Variants in PALD1 observed in about 807,000 individuals in gnomAD.
PALD1 encodes phosphatase domain containing paladin 1, also known as paladin.
A neutral mutation model predicts 96.0 loss-of-function variants in PALD1; 57 were observed. The ratio of observed to expected loss-of-function variants is 0.59; its 90% confidence interval spans 0.48 to 0.74. The LOEUF (loss-of-function observed/expected upper bound fraction) is 0.74. PALD1 is among the 30% of genes least tolerant of loss of function. The pLI is 0.00. For missense variants in PALD1, 1,063 were observed against 1,143.7 expected (o/e 0.93, Z 1.02); for synonymous variants, 464 against 473.6 (o/e 0.98, Z 0.26).
At chr10:70,514,744 G>A (rs1480092396) in intron 1 of PALD1, among the ~76,000 whole-genome samples, 1 of 152,190 alleles carries the variant, frequency 6.6e-6, no homozygotes, top group Non-Finnish European at 1.5e-5. Context: ...TATTGTCAGG[G>A]GAACACGCGC....
At chr10:70,530,185 A>G (rs1846964545) in intron 4 of PALD1, 117 bp downstream of exon 4, 5 of 842,060 alleles carry the variant, frequency 5.9e-6, no homozygotes, top group South Asian at 5.8e-5. Context: ...GAGGTGGGGT[A>G]GTGGCCTGGA....
chr10:70,547,457 A>AAAC lies in PALD1; in HGVS notation c.2262+11_2262+12insAAC. The AAAC allele has an allele frequency of 4.9e-6, 5 of 1,016,470 alleles. No individual in the cohort carries two copies. Among genetic ancestry groups the AAAC allele is most frequent in the Non-Finnish European group, 5.5e-6 (4 of 730,182 alleles). 63.0% of individuals were successfully genotyped at this position (1,016,470 alleles called of 1,614,324 possible). A position where few individuals can be genotyped will look rare whatever the true frequency, so the allele number is the denominator to read the frequency against. On this transcript the variant is annotated intron_variant, in intron 18 of 19. Transcript: ENST00000263563. ...TGCACCTACCGCCAGGTGAGCCCCC[A>AAAC]CCCCACCCCACCCCACCCTGCCCCA...
chr10:70,501,206 C>G (rs1213309999), intron 1 of PALD1, among the ~76,000 whole-genome samples: 1 of 152,078 alleles, frequency 6.6e-6, no homozygotes, highest in African/African-American at 2.4e-5. Context: ...AGACCACACT[C>G]CAATTGTGGG....
At chr10:70,466,790 G>A in the PALD1 span, among the ~76,000 whole-genome samples, 1 of 152,176 alleles carries the variant, frequency 6.6e-6, no homozygotes. Flanking sequence ...GAAGGGGCAG[G>A]AATTTGAGGG....
intron 1 of PALD1, among the ~76,000 whole-genome samples, chr10:70,522,592 G>T (rs978303657): frequency 1.3e-5 from 2 of 152,222 alleles, no homozygotes; most frequent in Non-Finnish European, 2.9e-5. Context: ...GTCACTGCAG[G>T]AGCAGCCCTC....
chr10:70,548,161 C>T (rs574354636), intron 18 of PALD1, among the ~76,000 whole-genome samples: 13 of 152,018 alleles, frequency 8.6e-5, no homozygotes, highest in Non-Finnish European at 1.8e-4. Context: ...AAAAATTAGC[C>T]GGGCATGGTG....
At chr10:70,526,541 G>T (rs1426337207) in intron 2 of PALD1, among the ~76,000 whole-genome samples, 1 of 152,244 alleles carries the variant, frequency 6.6e-6, no homozygotes, top group Non-Finnish European at 1.5e-5. Context: ...GGCTGTTGAA[G>T]GGCCTTGGGC....
At chr10:70,508,068 T>C (rs1276476485) in intron 1 of PALD1, among the ~76,000 whole-genome samples, 1 of 152,020 alleles carries the variant, frequency 6.6e-6, no homozygotes, top group African/African-American at 2.4e-5. Flanking sequence ...CAGGAAGATG[T>C]GGAATGAGTG....
chr10:70,552,020 G>A (rs1332869707), intron 18 of PALD1, among the ~76,000 whole-genome samples: 1 of 152,242 alleles, frequency 6.6e-6, no homozygotes, highest in African/African-American at 2.4e-5. Flanking sequence ...CAGGCCCACG[G>A]GACGTCTCTC....
intron 1 of PALD1, among the ~76,000 whole-genome samples, chr10:70,484,832 C>T (rs1292994342): frequency 6.6e-6 from 1 of 152,092 alleles, no homozygotes; most frequent in African/African-American, 2.4e-5. Flanking sequence ...AGCCACTGCG[C>T]CCAGCTGCAA....
rs773105041 is a variant in PALD1 at position 70,525,919 on chromosome 10, A to G, written c.-29-4A>G. 1 of 1,611,430 alleles carries G rather than the reference A, an allele frequency of 6.2e-7. No individual in the cohort carries two copies. Among genetic ancestry groups the G allele is most frequent in the Non-Finnish European group, 8.5e-7 (1 of 1,178,696 alleles). On this transcript the variant is annotated splice_polypyrimidine_tract_variant and splice_region_variant and intron_variant, in intron 1 of 19. Coordinates refer to ENST00000263563, the MANE Select transcript of PALD1 (RefSeq NM_014431.3). The stretch of plus-strand genomic sequence containing the variant: ...CCTTCACTGCACACCCTCTTATCCT[A>G]CAGGTCTGGGGTCCTGAGGCTGCTG...
chr10:70,477,850 T>C (rs1195945084), upstream of PALD1, among the ~76,000 whole-genome samples: 1 of 151,790 alleles, frequency 6.6e-6, no homozygotes, highest in Non-Finnish European at 1.5e-5. Flanking sequence ...ATTTCCCGAG[T>C]GTGGAGCAGC....
rs143104592 is a variant in PALD1, at chr10:70,491,799, T to C, written c.-30+12740T>C. ...CAACCATGGATCTGCATTCTGTCTC[T>C]GGATTTACCTATTTTGGATAGTTCA... On this transcript the variant is annotated intron_variant, in intron 1 of 19. Transcript: ENST00000263563. Among the ~76,000 whole-genome samples, 5 of 152,356 alleles carry C rather than the reference T, an allele frequency of 3.3e-5. No homozygotes were observed. The East Asian group carries it at 9.6e-4, about 29-fold the overall frequency.
At chr10:70,519,122 T>C (rs1170879649) in intron 1 of PALD1, among the ~76,000 whole-genome samples, 3 of 152,182 alleles carry the variant, frequency 2.0e-5, no homozygotes, top group Non-Finnish European at 4.4e-5. Context: ...TTATTTTTTG[T>C]AAATGAGACA....
chr10:70,466,159 G>A, the PALD1 span, among the ~76,000 whole-genome samples: 1 of 152,140 alleles, frequency 6.6e-6, no homozygotes, highest in Non-Finnish European at 1.5e-5. Context: ...TTTGTTGGAG[G>A]AGGACAATTA....
At chr10:70,528,019 G>A (rs1417129246) in intron 2 of PALD1, among the ~76,000 whole-genome samples, 1 of 152,074 alleles carries the variant, frequency 6.6e-6, no homozygotes, top group East Asian at 1.9e-4. Flanking sequence ...CTATGAGTGA[G>A]AACATGCGGT....
chr10:70,489,185 A>T (rs566132148), intron 1 of PALD1, among the ~76,000 whole-genome samples: 2 of 152,134 alleles, frequency 1.3e-5, no homozygotes, highest in Non-Finnish European at 2.9e-5. Context: ...TGGGTGGAGG[A>T]TGGGATGCCT....
chr10:70,474,683 TA>T (rs377157618), upstream of PALD1, among the ~76,000 whole-genome samples: 23 of 152,052 alleles, frequency 1.5e-4, no homozygotes, highest in African/African-American at 4.1e-4. Context: ...TGGGTCTTGA[TA>T]AAAAAAAGGT....
intron 1 of PALD1, among the ~76,000 whole-genome samples, chr10:70,496,513 A>C (rs753983540): frequency 1.3e-5 from 2 of 152,190 alleles, no homozygotes; most frequent in Non-Finnish European, 2.9e-5. Context: ...AAGTGGACTA[A>C]CACAGTATGA....
Sources: gnomAD v4.1 joint callset for allele counts (sites outside exome capture counted in the v4.1 genomes callset) on GRCh38, gnomAD v4.1.1 for gene constraint, MANE v1.5 for transcripts, NCBI Gene and HGNC (gene_info 2026-07-23, HGNC 2026-07-21) for gene names.